Variants in JPT2 observed in about 807,000 individuals in gnomAD.
JPT2 encodes the protein Jupiter microtubule associated homolog 2.
Under a neutral mutation model 15.9 loss-of-function variants are expected in JPT2, and 9 were observed. The ratio of observed to expected loss-of-function variants is 0.57; its 90% CI spans 0.34 to 0.99. The LOEUF (loss-of-function observed/expected upper bound fraction) is 0.99, where lower values mean the gene tolerates loss of function less well. Among genes scored for constraint, JPT2 ranks in the 50% least tolerant of loss-of-function variants. The probability of loss-of-function intolerance (pLI) is 0.02; values close to 1 mark genes in which losing one functional copy is unlikely to be tolerated. For synonymous variants in JPT2, 95 were observed against 91.7 expected, an observed-to-expected ratio of 1.04 and a Z score of -0.21; for missense variants, 267 against 252.1, an observed-to-expected ratio of 1.06 and a Z score of -0.40.
intron 1 of JPT2, among the ~76,000 whole-genome samples, chr16:1,680,950 G>C (rs748730091): frequency 6.6e-6 from 1 of 152,188 alleles, no homozygotes; most frequent in Non-Finnish European, 1.5e-5. Flanking sequence ...CAGTGCTGCA[G>C]TCCACTCCAG....
chr16:1,695,769 G>A (rs868344377), intron 3 of JPT2, among the ~76,000 whole-genome samples: 4 of 151,814 alleles, frequency 2.6e-5, no homozygotes, highest in Non-Finnish European at 5.9e-5. Context: ...TGTTCAGGAG[G>A]CTGAGTTGGG....
intron 2 of JPT2, among the ~76,000 whole-genome samples, chr16:1,690,735 A>G (rs117812989): frequency 6.6e-6 from 1 of 152,212 alleles, no homozygotes; most frequent in Non-Finnish European, 1.5e-5. Context: ...CCCCTTTTAC[A>G]TGAAAACACT....
chr16:1,685,327 CAAAAAG>C, intron 1 of JPT2, 106 bp from the exon 2 acceptor site: 1 of 1,240,488 alleles, frequency 8.1e-7, no homozygotes, highest in Non-Finnish European at 1.1e-6. Flanking sequence ...GACCTTGTCT[CAAAAAG>C]AAAAAAACAA....
At chr16:1,688,236 A>G (rs1464780637) in intron 2 of JPT2, 1 of 152,256 alleles carries the variant, frequency 6.6e-6, no homozygotes, top group Non-Finnish European at 1.5e-5. Flanking sequence ...ACTGGCATGC[A>G]TAAATCCCAA....
At position 1,698,696 on chromosome 16, in the gene JPT2, T is replaced by TA. The variant is rs1033918753; in HGVS notation, c.386-114dup. On this transcript the variant is annotated intron_variant, in intron 4 of 4. Coordinates refer to ENST00000248098, the MANE Select transcript of JPT2 (RefSeq NM_144570.3). The surrounding 1 kb of genome is among the most constrained non-coding windows in gnomAD (Gnocchi z 4.9). ...TCTATATTGTCTTCTCTTTCCCAGT[T>TA]ACAGCATGAATTTCTTGCAGGTTGC... 4.4e-5 allele frequency: 44 copies of TA among 1,007,282 alleles called. 1 individual carries two copies. In the South Asian group the frequency reaches 7.3e-4, roughly 17 times the overall value. 62.4% of individuals were successfully genotyped at this position (1,007,282 alleles called of 1,614,324 possible). A position where few individuals can be genotyped will look rare whatever the true frequency, so the allele number is the denominator to read the frequency against.
At chr16:1,683,325 T>C (rs898021526) in intron 1 of JPT2, among the ~76,000 whole-genome samples, 1 of 151,528 alleles carries the variant, frequency 6.6e-6, no homozygotes, top group Non-Finnish European at 1.5e-5. Context: ...TGCCCAGGCG[T>C]GTCTCGAACT....
At position 1,700,403 on chromosome 16, in the gene JPT2, G is replaced by A. The variant is rs766227812; in HGVS notation, c.*1405G>A. 1.0e-4 allele frequency: 27 copies of A among 269,946 alleles called. No individual in the cohort carries two copies. Among genetic ancestry groups the A allele is most frequent in the Admixed American group, 7.4e-4 (19 of 25,524 alleles). 16.7% of individuals were successfully genotyped at this position (269,946 alleles called of 1,614,324 possible). On this transcript the variant is annotated 3_prime_UTR_variant, in exon 5 of 5. Coordinates refer to ENST00000248098, the MANE Select transcript of JPT2 (RefSeq NM_144570.3). ...TAACAGAGGAGAACGTCTGGGTGGCGGCAGCAGCTTTGCTCTGAGTGCCTA... is the reference window on the plus strand; with the variant it reads ...TAACAGAGGAGAACGTCTGGGTGGCAGCAGCAGCTTTGCTCTGAGTGCCTA...
chr16:1,701,910 T>G lies in JPT2; in HGVS notation c.*2912T>G. ...TCTCTAAATTAGCCGGATGTGGTGGTGCATGCCTGTAGTCCCAGCTACTCG... is the reference window on the plus strand; with the variant it reads ...TCTCTAAATTAGCCGGATGTGGTGGGGCATGCCTGTAGTCCCAGCTACTCG... On this transcript the variant is annotated 3_prime_UTR_variant, in exon 5 of 5. Coordinates refer to ENST00000248098, the MANE Select transcript of JPT2 (RefSeq NM_144570.3). 1 of 315,258 alleles carries G rather than the reference T, an allele frequency of 3.2e-6. No individual in the cohort carries two copies. Among genetic ancestry groups the G allele is most frequent in the Non-Finnish European group, 6.4e-6 (1 of 155,706 alleles). 19.5% of individuals were successfully genotyped at this position (315,258 alleles called of 1,614,324 possible). A position where few individuals can be genotyped will look rare whatever the true frequency, so the allele number is the denominator to read the frequency against.
In JPT2 at chr16:1,685,531, A is replaced by G; in HGVS notation, c.137A>G (p.Asn46Ser). The G allele has an allele frequency of 6.2e-7, 1 of 1,614,158 alleles. No individual in the cohort carries two copies. The highest frequency in any genetic ancestry group is 1.7e-5 in the Admixed American group (1 of 60,022). The change falls in exon 2 of 5, where the codon AAT becomes AGT. Residue 46 changes from asparagine to serine, a missense_variant. Asn to Ser is a conservative substitution (Grantham distance 46, BLOSUM62 1). Coordinates refer to ENST00000248098, the MANE Select transcript of JPT2 (RefSeq NM_144570.3). ...PSSRPNRMASNIFGPTEEPQN... is the reference protein window; with the variant it reads ...PSSRPNRMASSIFGPTEEPQN... ...AGCAGGCCTAATAGGATGGCATCTAATATTTTTGGACCAACAGAAGAACCT... is the reference window on the plus strand; with the variant it reads ...AGCAGGCCTAATAGGATGGCATCTAGTATTTTTGGACCAACAGAAGAACCT...
chr16:1,679,370 A>G (rs2037002278), intron 1 of JPT2, among the ~76,000 whole-genome samples: 1 of 152,234 alleles, frequency 6.6e-6, no homozygotes, highest in African/African-American at 2.4e-5. Context: ...AATACTAAGT[A>G]AAAGAATTGC....
intron 3 of JPT2, among the ~76,000 whole-genome samples, chr16:1,694,500 T>C (rs908810843): frequency 6.6e-6 from 1 of 152,220 alleles, no homozygotes; most frequent in African/African-American, 2.4e-5. Context: ...CTATAATTCA[T>C]ATGGAATTTC....
intron 1 of JPT2, among the ~76,000 whole-genome samples, chr16:1,679,598 T>C (rs2037004137): frequency 6.7e-6 from 1 of 149,626 alleles, no homozygotes; most frequent in Non-Finnish European, 1.5e-5. Flanking sequence ...TTGGAGAGGC[T>C]GAGACAGGAG....
rs575150858 is a variant in JPT2, at chr16:1,688,162, G to A, written c.193+2575G>A. ...CATGTGTATTTTTCATTTGGTGTTC[G>A]CTATAACTAGGAGTAGGTTGTTTTG... On this transcript the variant is annotated intron_variant, in intron 2 of 4. Transcript: ENST00000248098. Among the ~76,000 whole-genome samples, 5 of 152,310 alleles carry A rather than the reference G, an allele frequency of 3.3e-5. No individual in the cohort carries two copies. The South Asian group carries it at 8.3e-4, about 25-fold the overall frequency.
chr16:1,684,935 T>C (rs566169927), intron 1 of JPT2, among the ~76,000 whole-genome samples: 17 of 151,492 alleles, frequency 1.1e-4, no homozygotes, highest in East Asian at 1.9e-4. Context: ...AAGAATACTT[T>C]TAAGGGAAAC....
At chr16:1,687,558 A>G (rs1448509358) in intron 2 of JPT2, among the ~76,000 whole-genome samples, 1 of 152,012 alleles carries the variant, frequency 6.6e-6, no homozygotes, top group Non-Finnish European at 1.5e-5. Context: ...TTCCTAGAGC[A>G]CTCCATGGAA....
chr16:1,701,865 T>G lies in JPT2; in HGVS notation c.*2867T>G. 3.4e-6 allele frequency: 1 copy of G among 293,194 alleles called. No homozygotes were observed. The highest frequency in any genetic ancestry group is 7.0e-6 in the Non-Finnish European group (1 of 143,628). 18.2% of individuals were successfully genotyped at this position (293,194 alleles called of 1,614,324 possible). Reference sequence around the variant, plus strand: ...CAGCCTAGACAACATACTACGACCCTGTCTATACAAAAAAAAACTTCTCTA... The same window carrying G: ...CAGCCTAGACAACATACTACGACCCGGTCTATACAAAAAAAAACTTCTCTA... On this transcript the variant is annotated 3_prime_UTR_variant, in exon 5 of 5. Transcript: ENST00000248098.
At chr16:1,680,116 G>A (rs1221761856) in intron 1 of JPT2, among the ~76,000 whole-genome samples, 1 of 152,220 alleles carries the variant, frequency 6.6e-6, no homozygotes, top group African/African-American at 2.4e-5. Context: ...CTGCACCGAT[G>A]TGGGACCAGG....
At chr16:1,678,980 A>G (rs890504916) in intron 1 of JPT2, among the ~76,000 whole-genome samples, 11 of 152,232 alleles carry the variant, frequency 7.2e-5, no homozygotes, top group African/African-American at 2.4e-4. Context: ...TCTCCTGGGA[A>G]GGTGGATGGC....
intron 3 of JPT2, among the ~76,000 whole-genome samples, chr16:1,692,735 A>G (rs1054824796): frequency 4.0e-4 from 61 of 152,362 alleles, no homozygotes; most frequent in African/African-American, 1.4e-3. Context: ...AGGATTTATT[A>G]CTAACATAAT....
Sources: gnomAD v4.1 joint callset for allele counts (sites outside exome capture counted in the v4.1 genomes callset) on GRCh38, gnomAD v4.1.1 for gene constraint, Gnocchi (gnomAD v3.1) non-coding constraint, MANE v1.5 for transcripts, NCBI Gene and HGNC (gene_info 2026-07-23, HGNC 2026-07-21) for gene names.